Variants in XPNPEP3 observed in about 807,000 individuals in gnomAD.
XPNPEP3 encodes X-prolyl aminopeptidase 3.
XPNPEP3 carries 41 observed loss-of-function variants against 60.0 expected under a neutral mutation model. The ratio of observed to expected loss-of-function variants is 0.68; its 90% CI spans 0.53 to 0.89. XPNPEP3 has a LOEUF of 0.89. Among genes scored for constraint, XPNPEP3 ranks in the 40% least tolerant of loss-of-function variants. The probability of loss-of-function intolerance (pLI) is 0.00; values close to 1 mark genes in which losing one functional copy is unlikely to be tolerated. For synonymous variants in XPNPEP3, 212 were observed against 223.2 expected, an observed-to-expected ratio of 0.95 and a Z score of 0.45; for missense variants, 598 against 638.9, an observed-to-expected ratio of 0.94 and a Z score of 0.69.
Position 40,857,161 on chromosome 22 carries a change from C to A in XPNPEP3, c.-21C>A. On this transcript the variant is annotated 5_prime_UTR_variant, in exon 1 of 10. Coordinates refer to ENST00000357137, the MANE Select transcript of XPNPEP3 (RefSeq NM_022098.4). ...CCCGTCGTTACCCTCTTTCTCTTCC[C>A]GACGCGTGAGTTAGGCCGTAATGCC... The A allele has an allele frequency of 6.2e-7, 1 of 1,613,956 alleles. No homozygotes were observed.
chr22:40,888,741 G>A (rs1052540406), intron 4 of XPNPEP3, among the ~76,000 whole-genome samples: 19 of 151,592 alleles, frequency 1.3e-4, no homozygotes, highest in African/African-American at 4.6e-4. Context: ...ACACACAACT[G>A]GAGTTGCTAG....
intron 6 of XPNPEP3, among the ~76,000 whole-genome samples, chr22:40,910,358 C>G (rs772017069): frequency 1.1e-4 from 17 of 152,024 alleles, no homozygotes; most frequent in Non-Finnish European, 2.5e-4. Context: ...TGTTTATAAA[C>G]TCTATACAAA....
intron 4 of XPNPEP3, 137 bp downstream of exon 4, chr22:40,886,652 C>T (rs980766536): frequency 1.2e-5 from 9 of 749,152 alleles, no homozygotes; most frequent in Admixed American, 4.7e-5. Flanking sequence ...GGTGAAACCC[C>T]GTCTCTACTA....
At chr22:40,869,731 T>A (rs896379998) in intron 2 of XPNPEP3, among the ~76,000 whole-genome samples, 1 of 152,336 alleles carries the variant, frequency 6.6e-6, no homozygotes, top group South Asian at 2.1e-4. Context: ...AGATGTCTTA[T>A]AACTATTGCT....
intron 4 of XPNPEP3, among the ~76,000 whole-genome samples, chr22:40,901,695 G>A (rs182386213): frequency 4.0e-5 from 6 of 151,778 alleles, no homozygotes; most frequent in Admixed American, 2.0e-4. Context: ...GGCTGGTTTC[G>A]AACTGCTGGA....
At chr22:40,881,699 T>G (rs569906459) in intron 2 of XPNPEP3, 71 bp from the exon 3 acceptor site, 12 of 1,544,384 alleles carry the variant, frequency 7.8e-6, no homozygotes, top group Non-Finnish European at 9.8e-6. Flanking sequence ...TATTTCCATC[T>G]AATATTAAAC....
chr22:40,890,379 C>A (rs1353171004), intron 4 of XPNPEP3, among the ~76,000 whole-genome samples: 3 of 151,752 alleles, frequency 2.0e-5, no homozygotes, highest in Non-Finnish European at 4.4e-5. Context: ...GAGACCCCCC[C>A]ATCTCTACAA....
At chr22:40,922,777 T>C (rs1372459960) in intron 8 of XPNPEP3, among the ~76,000 whole-genome samples, 2 of 152,082 alleles carry the variant, frequency 1.3e-5, no homozygotes, top group Non-Finnish European at 2.9e-5. Flanking sequence ...CGTAGATATA[T>C]ATACATACAC....
intron 8 of XPNPEP3, among the ~76,000 whole-genome samples, chr22:40,923,187 C>T (rs1429396394): frequency 1.3e-5 from 2 of 150,886 alleles, no homozygotes; most frequent in Non-Finnish European, 3.0e-5. Flanking sequence ...CACTCCAACC[C>T]GGGCCACAGA....
At chr22:40,921,084 G>C (rs1235274237) in intron 7 of XPNPEP3, among the ~76,000 whole-genome samples, 1 of 152,086 alleles carries the variant, frequency 6.6e-6, no homozygotes. Flanking sequence ...GAGCCACCGC[G>C]CCCAGCCCCT....
At chr22:40,892,080 A>G (rs1304625101) in intron 4 of XPNPEP3, among the ~76,000 whole-genome samples, 1 of 152,184 alleles carries the variant, frequency 6.6e-6, no homozygotes. Context: ...GTTAAGACCC[A>G]TTTTGATAGC....
intron 1 of XPNPEP3, among the ~76,000 whole-genome samples, chr22:40,858,580 AGTG>A (rs1182829355): frequency 1.0e-4 from 12 of 116,370 alleles, no homozygotes; most frequent in African/African-American, 3.8e-4. Flanking sequence ...CCCAGGCTGG[AGTG>A]CAGTGGCGCG....
At chr22:40,870,548 T>A (rs546210916) in intron 2 of XPNPEP3, among the ~76,000 whole-genome samples, 1 of 152,216 alleles carries the variant, frequency 6.6e-6, no homozygotes, top group Admixed American at 6.5e-5. Flanking sequence ...AGATGGAATT[T>A]TAAAACAGAA....
intron 4 of XPNPEP3, 118 bp from the exon 5 acceptor site, chr22:40,907,469 T>G: frequency 2.8e-6 from 3 of 1,068,504 alleles, no homozygotes; most frequent in Non-Finnish European, 4.3e-6. Context: ...AGGTCACAAC[T>G]TCAGGCTGAC....
intron 7 of XPNPEP3, chr22:40,917,361 A>G (rs937491478): frequency 1.2e-4 from 19 of 152,196 alleles, no homozygotes; most frequent in African/African-American, 4.6e-4. Flanking sequence ...AGCCTGGGCA[A>G]CAGAGCAAGA....
At position 40,861,676 on chromosome 22, in the gene XPNPEP3, A is replaced by T. The variant is rs745609459; in HGVS notation, c.64+4431A>T. On this transcript the variant is annotated intron_variant, in intron 1 of 9. Transcript: ENST00000357137. ...GAGTCTTCAAAGAAGTGAAAAGAAA[A>T]TGGATCCCTTTCATGAAAAATTTCT... The T allele has an allele frequency of 2.0e-5, 33 of 1,614,168 alleles. No individual in the cohort carries two copies. In the East Asian group the frequency reaches 7.1e-4, roughly 35 times the overall value.
At chr22:40,871,904 A>T (rs990510447) in intron 2 of XPNPEP3, among the ~76,000 whole-genome samples, 1 of 152,070 alleles carries the variant, frequency 6.6e-6, no homozygotes, top group Non-Finnish European at 1.5e-5. Flanking sequence ...ATGGTGGCGC[A>T]TGCCTGTAGT....
chr22:40,888,887 T>C (rs913254070), intron 4 of XPNPEP3, among the ~76,000 whole-genome samples: 2 of 152,184 alleles, frequency 1.3e-5, no homozygotes, highest in African/African-American at 2.4e-5. Context: ...TTTGTTCTGT[T>C]TTTGTGGCAA....
intron 4 of XPNPEP3, chr22:40,907,245 C>A (rs1382952931): frequency 2.0e-5 from 9 of 441,856 alleles, no homozygotes; most frequent in Non-Finnish European, 9.0e-6. Context: ...CACAGTGAAA[C>A]CCCGACTCTA....
Sources: gnomAD v4.1 joint callset for allele counts (sites outside exome capture counted in the v4.1 genomes callset) on GRCh38, gnomAD v4.1.1 for gene constraint, MANE v1.5 for transcripts, NCBI Gene and HGNC (gene_info 2026-07-23, HGNC 2026-07-21) for gene names.